Variants in RB1 observed in about 807,000 individuals in gnomAD.
The protein encoded by RB1 is retinoblastoma-associated protein.
RB1 carries 18 observed loss-of-function variants against 135.4 expected under a neutral mutation model. The ratio of observed to expected loss-of-function variants is 0.13; its 90% CI spans 0.09 to 0.20. RB1 has a LOEUF of 0.20. Ranked by LOEUF, RB1 falls within the 10% of genes least tolerant of loss-of-function variation. The probability of loss-of-function intolerance (pLI) is 1.00; values close to 1 mark genes in which losing one functional copy is unlikely to be tolerated. For synonymous variants in RB1, 365 were observed against 373.2 expected (o/e 0.98, Z 0.25); for missense variants, 868 against 1,110.0 (o/e 0.78, Z 3.10).
At chr13:48,425,147 A>G (rs1278474489) in intron 17 of RB1, among the ~76,000 whole-genome samples, 1 of 152,232 alleles carries the variant, frequency 6.6e-6, no homozygotes, top group Non-Finnish European at 1.5e-5. Context: ...ATGAGAATCT[A>G]CGAATTTAGT....
intron 20 of RB1, among the ~76,000 whole-genome samples, chr13:48,462,325 G>T (rs989088453): frequency 1.3e-5 from 2 of 148,568 alleles, no homozygotes; most frequent in Non-Finnish European, 3.0e-5. Context: ...GGGTTTTGCC[G>T]TGTTGCTCAG....
intron 20 of RB1, among the ~76,000 whole-genome samples, chr13:48,460,899 T>G (rs4151600): frequency 0.038 from 5,801 of 152,210 alleles, 154 homozygotes; most frequent in Non-Finnish European, 0.055. Flanking sequence ...AGGTGGAGGT[T>G]GCAAGTGAGC....
At chr13:48,369,349 T>C (rs1444371535) in intron 11 of RB1, among the ~76,000 whole-genome samples, 2 of 152,212 alleles carry the variant, frequency 1.3e-5, no homozygotes, top group Non-Finnish European at 2.9e-5. Flanking sequence ...CATTGTTCTC[T>C]TTCTCTTGGA....
Position 48,316,918 on chromosome 13 carries a change from T to C in RB1, c.264+9512T>C, listed in dbSNP as rs1347115499. On this transcript the variant is annotated intron_variant, in intron 2 of 26. Coordinates refer to ENST00000267163, the MANE Select transcript of RB1 (RefSeq NM_000321.3). ...GTGCGCGGAGTGTCGCTGAAGTCAC[T>C]GGCGTCACTAACCAAGGCGTGCCCG... 3.0e-5 allele frequency: 11 copies of C among 367,838 alleles called. 1 individual carries two copies. In the East Asian group the frequency reaches 6.4e-4, roughly 22 times the overall value. The allele number at this position is 367,838 out of a possible 1,614,324, so 22.8% of individuals were successfully genotyped here.
intron 6 of RB1, among the ~76,000 whole-genome samples, chr13:48,356,920 A>C (rs1012487347): frequency 1.3e-5 from 2 of 151,914 alleles, no homozygotes; most frequent in Admixed American, 1.3e-4. Context: ...CTTGAGTCAT[A>C]TTTTGTTTCC....
intron 17 of RB1, among the ~76,000 whole-genome samples, chr13:48,428,812 A>G (rs1463800190): frequency 6.6e-6 from 1 of 152,222 alleles, no homozygotes; most frequent in Non-Finnish European, 1.5e-5. Flanking sequence ...CTTTCAAATA[A>G]TTAGAACAAG....
At chr13:48,419,627 G>C (rs1948973375) in intron 17 of RB1, among the ~76,000 whole-genome samples, 1 of 152,022 alleles carries the variant, frequency 6.6e-6, no homozygotes, top group Admixed American at 6.6e-5. Context: ...TAACAAAATA[G>C]ATAGACCACT....
In RB1 at chr13:48,373,712, G is replaced by A. The variant is rs4151524; in HGVS notation, c.1215+220G>A. Among the ~76,000 whole-genome samples the A allele has an allele frequency of 0.03, 4,550 of 151,832 alleles. 211 individuals are homozygous for A. Among genetic ancestry groups the A allele is most frequent in the African/African-American group, 0.1 (4,129 of 41,408 alleles). On this transcript the variant is annotated intron_variant, in intron 12 of 26. Coordinates refer to ENST00000267163, the MANE Select transcript of RB1 (RefSeq NM_000321.3). ...AAAACATTTTTATGTTTACCTATTT[G>A]CCTTGCTCACCATTCTTCCTTGCAA... is the stretch of plus-strand genomic sequence containing the variant.
chr13:48,367,638 AGATATAGGTTGATACT>A (rs2138121700), intron 10 of RB1, 35 bp downstream of exon 10: 1 of 1,590,272 alleles, frequency 6.3e-7, no homozygotes, highest in Non-Finnish European at 8.6e-7. Flanking sequence ...GATTTGCTTT[AGATATAGGTTGATACT>A]GATATAGGTA....
intron 2 of RB1, among the ~76,000 whole-genome samples, chr13:48,308,996 A>T (rs1287236519): frequency 1.3e-5 from 2 of 152,124 alleles, no homozygotes; most frequent in East Asian, 3.8e-4. Context: ...TAGTGGATGT[A>T]TTTTAATTTG....
intron 17 of RB1, among the ~76,000 whole-genome samples, chr13:48,436,013 C>G (rs963253242): frequency 1.3e-5 from 2 of 152,062 alleles, no homozygotes; most frequent in African/African-American, 4.8e-5. Flanking sequence ...TAAAAGAAAT[C>G]TATTGTAAAT....
intron 18 of RB1, among the ~76,000 whole-genome samples, chr13:48,455,640 G>A (rs1309234609): frequency 6.6e-6 from 1 of 152,142 alleles, no homozygotes; most frequent in Non-Finnish European, 1.5e-5. Flanking sequence ...TGTTAAATAG[G>A]GGCAGCACAG....
chr13:48,429,686 A>G (rs1244619824), intron 17 of RB1: 1 of 152,142 alleles, frequency 6.6e-6, no homozygotes. Context: ...GGAATTATAT[A>G]TATTATTTTA....
At chr13:48,342,839 A>C (rs1400329807) in intron 3 of RB1, 125 bp downstream of exon 3, 18 of 677,676 alleles carry the variant, frequency 2.7e-5, no homozygotes, top group Non-Finnish European at 4.6e-5. Context: ...AAGAACTTGG[A>C]CCAAATAGTG....
chr13:48,399,709 G>A (rs993286439), intron 17 of RB1, among the ~76,000 whole-genome samples: 11 of 151,994 alleles, frequency 7.2e-5, no homozygotes, highest in Non-Finnish European at 1.6e-4. Context: ...AAATGCTTAT[G>A]TAAGCCTGAG....
intron 17 of RB1, among the ~76,000 whole-genome samples, chr13:48,448,556 T>C (rs1238184329): frequency 2.0e-5 from 3 of 152,238 alleles, no homozygotes; most frequent in Non-Finnish European, 4.4e-5. Context: ...CAGTGATATG[T>C]GTAATGACTA....
At chr13:48,346,374 G>A (rs1013592346) in intron 4 of RB1, among the ~76,000 whole-genome samples, 12 of 47,474 alleles carry the variant, frequency 2.5e-4, no homozygotes, top group East Asian at 2.3e-3. Flanking sequence ...ATATATATGT[G>A]TGTGTGTGTG....
intron 2 of RB1, chr13:48,318,356 G>A: frequency 7.0e-7 from 1 of 1,438,262 alleles, no homozygotes. Context: ...TGGGTTCCCT[G>A]CACCTCTTCT....
Position 48,479,987 on chromosome 13 carries a change from C to T in RB1, c.2714-11C>T, listed in dbSNP as rs764362157. On this transcript the variant is annotated splice_polypyrimidine_tract_variant and intron_variant, in intron 26 of 26. Transcript: ENST00000267163. ...ATCAATGCTGTTAACAGTTCTTCAT[C>T]CTTTTTCCAGCTTCTACTCGAACAC... is the stretch of plus-strand genomic sequence containing the variant. 99 of 1,610,586 alleles carry T rather than the reference C, an allele frequency of 6.1e-5. No individual in the cohort carries two copies. In the South Asian group the frequency reaches 9.9e-4, roughly 16 times the overall value.
Sources: gnomAD v4.1 joint callset for allele counts (sites outside exome capture counted in the v4.1 genomes callset) on GRCh38, gnomAD v4.1.1 for gene constraint, MANE v1.5 for transcripts, NCBI Gene and HGNC (gene_info 2026-07-23, HGNC 2026-07-21) for gene names.